The following NTM variants were observed in gnomAD, a reference collection of about 807,000 sequenced individuals.
NTM encodes the protein neurotrimin, also known as IgLON family member 2.
A neutral mutation model predicts 42.1 loss-of-function variants in NTM; 13 were observed. The ratio of observed to expected loss-of-function variants is 0.31; its 90% CI spans 0.20 to 0.49. NTM has a LOEUF of 0.49. NTM is among the 20% of genes least tolerant of loss of function. NTM has a pLI of 0.99. For missense variants in NTM, 373 were observed against 452.8 expected, an observed-to-expected ratio of 0.82 and a Z score of 1.60; for synonymous variants, 187 against 179.2, an observed-to-expected ratio of 1.04 and a Z score of -0.35.
chr11:131,464,361 G>A (rs532708183), intron 1 of NTM, among the ~76,000 whole-genome samples: 10 of 95,724 alleles, frequency 1.0e-4, no homozygotes, highest in African/African-American at 4.4e-4. Context: ...GGGAAAGCTG[G>A]GGGGGGGGCA....
intron 1 of NTM, among the ~76,000 whole-genome samples, chr11:131,613,439 C>T (rs1214451133): frequency 6.6e-6 from 1 of 152,160 alleles, no homozygotes; most frequent in African/African-American, 2.4e-5. Context: ...GGTTTCAGCC[C>T]CCATCCTCAG....
At chr11:131,728,590 C>T (rs988590979) in intron 1 of NTM, among the ~76,000 whole-genome samples, 19 of 152,166 alleles carry the variant, frequency 1.2e-4, no homozygotes, top group Non-Finnish European at 2.6e-4. Context: ...CCCATTTATG[C>T]CAGTGTTCCA....
At chr11:131,828,764 C>T (rs1323191062) in intron 1 of NTM, among the ~76,000 whole-genome samples, 1 of 152,156 alleles carries the variant, frequency 6.6e-6, no homozygotes, top group East Asian at 1.9e-4. Context: ...TCTTTGTTCC[C>T]TCTTTTCTTC....
At chr11:132,291,492 A>C (rs2094449309) in intron 4 of NTM, among the ~76,000 whole-genome samples, 1 of 152,184 alleles carries the variant, frequency 6.6e-6, no homozygotes, top group African/African-American at 2.4e-5. Flanking sequence ...CCATGTGACC[A>C]TGGAATTGCC....
chr11:131,699,868 G>C (rs911778850), intron 1 of NTM, among the ~76,000 whole-genome samples: 2 of 151,058 alleles, frequency 1.3e-5, no homozygotes, highest in African/African-American at 4.9e-5. Flanking sequence ...GATAGATTTG[G>C]GTGGGGACAC....
chr11:132,322,833 C>G (rs1348204292), intron 7 of NTM, among the ~76,000 whole-genome samples: 1 of 147,506 alleles, frequency 6.8e-6, no homozygotes, highest in Admixed American at 6.7e-5. Context: ...AACTATATCT[C>G]AGACCACAGT....
rs1247792957 is a variant in NTM, at chr11:132,107,015, TA to T, written c.168-39258del. On this transcript the variant is annotated intron_variant, in intron 2 of 8. Coordinates refer to ENST00000683400, the MANE Select transcript of NTM (RefSeq NM_001352005.2). ...CTTTCACTCTAAGAATCTTTTTGTT[TA>T]AAAAAAAATCCATAAAAGGCATGTA... is the stretch of plus-strand genomic sequence containing the variant. Among the ~76,000 whole-genome samples the T allele has an allele frequency of 1.1e-4, 17 of 151,862 alleles. No homozygotes were observed. The South Asian group carries it at 2.3e-3, about 21-fold the overall frequency.
intron 4 of NTM, among the ~76,000 whole-genome samples, chr11:132,305,775 C>A (rs536937908): frequency 6.6e-6 from 1 of 152,274 alleles, no homozygotes; most frequent in Admixed American, 6.5e-5. Context: ...GCTTATCAAA[C>A]AATATTCATA....
intron 2 of NTM, among the ~76,000 whole-genome samples, chr11:131,932,047 G>A (rs865980026): frequency 2.6e-5 from 4 of 152,176 alleles, no homozygotes; most frequent in Non-Finnish European, 5.9e-5. Flanking sequence ...ACTGATAAGC[G>A]TGTCTCTGGA....
chr11:131,430,120 A>G (rs1948533291), intron 1 of NTM, among the ~76,000 whole-genome samples: 1 of 152,210 alleles, frequency 6.6e-6, no homozygotes, highest in Admixed American at 6.5e-5. Context: ...AGCATCAACC[A>G]TGTTCACTCA....
In NTM at chr11:132,133,734, C is replaced by T. The variant is rs981960227; in HGVS notation, c.168-12548C>T. On this transcript the variant is annotated intron_variant, in intron 2 of 8. Transcript: ENST00000683400. ...GGAAAGGCAACTCCCAGGAAGAGGA[C>T]GTTTCCATGCTTCTGTTTCTGGCAG... Among the ~76,000 whole-genome samples, 8 of 152,304 alleles carry T rather than the reference C, an allele frequency of 5.3e-5. No homozygotes were observed. The East Asian group carries it at 7.7e-4, about 15-fold the overall frequency.
chr11:131,584,087 A>G (rs529507072), intron 1 of NTM, among the ~76,000 whole-genome samples: 31 of 152,326 alleles, frequency 2.0e-4, no homozygotes, highest in African/African-American at 6.7e-4. Flanking sequence ...TGGGATCCCA[A>G]TACACTAGGA....
At chr11:131,483,924 C>G (rs1953888031) in intron 1 of NTM, among the ~76,000 whole-genome samples, 1 of 152,078 alleles carries the variant, frequency 6.6e-6, no homozygotes, top group South Asian at 2.1e-4. Context: ...AGAATTCATG[C>G]CATTGAATCA....
rs545492040 is a variant in NTM, at chr11:131,596,133, G to C, written c.82+225245G>C. On this transcript the variant is annotated intron_variant, in intron 1 of 8. Coordinates refer to ENST00000683400, the MANE Select transcript of NTM (RefSeq NM_001352005.2). ...GAACCTACCTCACGGTATTTAGCTG[G>C]AAGACATTCTATTAAACTCCGAGGT... Among the ~76,000 whole-genome samples the C allele has an allele frequency of 1.2e-4, 18 of 152,300 alleles. No individual in the cohort carries two copies. In the East Asian group the frequency reaches 3.3e-3, roughly 28 times the overall value.
intron 2 of NTM, among the ~76,000 whole-genome samples, chr11:131,973,337 T>C (rs2063830515): frequency 6.6e-6 from 1 of 152,218 alleles, no homozygotes; most frequent in African/African-American, 2.4e-5. Context: ...ATTCTAAATG[T>C]GAGGCCTCTC....
At chr11:131,791,657 A>G (rs2090958510) in intron 1 of NTM, among the ~76,000 whole-genome samples, 1 of 152,226 alleles carries the variant, frequency 6.6e-6, no homozygotes, top group African/African-American at 2.4e-5. Flanking sequence ...CTTACTTGCC[A>G]TTCTACACAC....
chr11:131,874,030 A>ATATATATATATAT lies in NTM; in HGVS notation c.83-37534_83-37533insTATATATATATAT, dbSNP rs1555162935. Among the ~76,000 whole-genome samples the ATATATATATATAT allele has an allele frequency of 6.9e-3, 531 of 76,542 alleles. 36 individuals are homozygous for ATATATATATATAT. The highest frequency in any genetic ancestry group is 0.012 in the Non-Finnish European group (398 of 34,110). 50.2% of individuals were successfully genotyped at this position (76,542 alleles called of 152,430 possible). Reference sequence around the variant, plus strand: ...ATAATATATTTATATAATATAATATAATATATATATATATATATATATATA... The same window carrying ATATATATATATAT: ...ATAATATATTTATATAATATAATATATATATATATATATATATATATATATATATATATATATA... On this transcript the variant is annotated intron_variant, in intron 1 of 8. Coordinates refer to ENST00000683400, the MANE Select transcript of NTM (RefSeq NM_001352005.2).
chr11:132,025,961 T>G (rs1250326692), intron 2 of NTM, among the ~76,000 whole-genome samples: 2 of 152,172 alleles, frequency 1.3e-5, no homozygotes, highest in Non-Finnish European at 2.9e-5. Context: ...GGAATCCTGA[T>G]TCTGTCACTG....
chr11:131,751,372 C>T (rs1033847989), intron 1 of NTM, among the ~76,000 whole-genome samples: 10 of 152,098 alleles, frequency 6.6e-5, no homozygotes, highest in East Asian at 1.9e-4. Flanking sequence ...GGGCGGATCA[C>T]GAGGTCAGGG....
Sources: allele counts gnomAD v4.1 joint callset (sites outside exome capture counted in the v4.1 genomes callset), GRCh38; gene constraint gnomAD v4.1.1; transcripts MANE v1.5; gene names NCBI Gene and HGNC (gene_info 2026-07-23, HGNC 2026-07-21).